The following ADGRL3 variants were observed in gnomAD, a reference collection of about 807,000 sequenced individuals.
The protein encoded by ADGRL3 is adhesion G protein-coupled receptor L3.
ADGRL3 carries 62 observed loss-of-function variants against 153.5 expected under a neutral mutation model. That is an observed-to-expected ratio of 0.40 (90% CI 0.33 to 0.50). The LOEUF is 0.50. ADGRL3 is among the 20% of genes least tolerant of loss of function. ADGRL3 has a pLI of 0.47. For synonymous variants in ADGRL3, 710 were observed against 672.5 expected, an observed-to-expected ratio of 1.06 and a Z score of -0.86; for missense variants, 1,641 against 1,859.4, an observed-to-expected ratio of 0.88 and a Z score of 2.16.
At chr4:61,637,113 T>C (rs1236946160) in intron 5 of ADGRL3, among the ~76,000 whole-genome samples, 3 of 152,214 alleles carry the variant, frequency 2.0e-5, no homozygotes, top group African/African-American at 7.2e-5. Context: ...ACTGTGCATA[T>C]GTTCAACTTC....
intron 4 of ADGRL3, among the ~76,000 whole-genome samples, chr4:61,570,906 T>C (rs567562240): frequency 6.6e-6 from 1 of 152,316 alleles, no homozygotes; most frequent in South Asian, 2.1e-4. Context: ...GTTTTCCTAC[T>C]TCTGTGTTTA....
intron 13 of ADGRL3, among the ~76,000 whole-genome samples, chr4:61,934,175 A>G (rs1357101494): frequency 6.6e-6 from 1 of 152,176 alleles, no homozygotes; most frequent in Non-Finnish European, 1.5e-5. Context: ...TAAAAGATAA[A>G]ACACCTGAGG....
chr4:61,984,313 A>G (rs2099078351), intron 19 of ADGRL3, among the ~76,000 whole-genome samples: 1 of 152,194 alleles, frequency 6.6e-6, no homozygotes, highest in African/African-American at 2.4e-5. Context: ...ACTAAAAAAT[A>G]CAAGTAGAGA....
chr4:61,780,802 A>C (rs1317049346), intron 8 of ADGRL3, among the ~76,000 whole-genome samples: 1 of 152,168 alleles, frequency 6.6e-6, no homozygotes, highest in Non-Finnish European at 1.5e-5. Flanking sequence ...GTCTGAGTGA[A>C]AGTAGGGAAC....
At chr4:61,893,610 T>G (rs192283541) in intron 10 of ADGRL3, among the ~76,000 whole-genome samples, 2 of 152,228 alleles carry the variant, frequency 1.3e-5, no homozygotes, top group East Asian at 3.9e-4. Context: ...TCAGGGACCA[T>G]GCTGCAGGAG....
intron 1 of ADGRL3, among the ~76,000 whole-genome samples, chr4:61,319,804 G>T (rs542887215): frequency 1.3e-5 from 2 of 152,244 alleles, no homozygotes; most frequent in African/African-American, 4.8e-5. Flanking sequence ...AAGGTAAGGT[G>T]CTTCTGTCTA....
chr4:61,730,204 T>C (rs755622823), intron 6 of ADGRL3, among the ~76,000 whole-genome samples: 4 of 151,940 alleles, frequency 2.6e-5, no homozygotes, highest in Admixed American at 6.6e-5. Context: ...ACAACTATTA[T>C]GTGAAATAGT....
At chr4:61,964,438 A>C (rs2098998820) in intron 17 of ADGRL3, among the ~76,000 whole-genome samples, 2 of 152,326 alleles carry the variant, frequency 1.3e-5, no homozygotes, top group South Asian at 4.1e-4. Context: ...TCTACATCTA[A>C]TCAGGTAAAC....
At chr4:61,305,097 C>G (rs1360634034) in intron 1 of ADGRL3, among the ~76,000 whole-genome samples, 1 of 151,926 alleles carries the variant, frequency 6.6e-6, no homozygotes, top group Non-Finnish European at 1.5e-5. Flanking sequence ...TAATCATAAG[C>G]CTGGTGCCTT....
intron 3 of ADGRL3, among the ~76,000 whole-genome samples, chr4:61,498,170 A>G (rs1380478732): frequency 6.6e-6 from 1 of 152,200 alleles, no homozygotes; most frequent in African/African-American, 2.4e-5. Flanking sequence ...ACAATCTTTA[A>G]TATACAGAAC....
At chr4:61,945,899 C>G (rs554761254) in intron 15 of ADGRL3, among the ~76,000 whole-genome samples, 3,751 of 152,180 alleles carry the variant, frequency 0.025, 150 homozygotes, top group African/African-American at 0.086. Context: ...CCGTCTTCTG[C>G]GTCGCTCACG....
chr4:61,649,598 G>A (rs1033622598), intron 5 of ADGRL3, among the ~76,000 whole-genome samples: 13 of 152,088 alleles, frequency 8.5e-5, no homozygotes, highest in African/African-American at 2.4e-4. Context: ...TTTATAACAC[G>A]TAGCAAAACA....
intron 8 of ADGRL3, among the ~76,000 whole-genome samples, chr4:61,746,832 G>C (rs910703330): frequency 6.6e-6 from 1 of 151,956 alleles, no homozygotes; most frequent in African/African-American, 2.4e-5. Flanking sequence ...TCAAAAGCTA[G>C]CAGAAGGCAA....
chr4:61,778,773 G>C (rs1474318585), intron 8 of ADGRL3, among the ~76,000 whole-genome samples: 1 of 152,142 alleles, frequency 6.6e-6, no homozygotes, highest in Non-Finnish European at 1.5e-5. Context: ...AAAATCATTT[G>C]TAAGCTGGGC....
At chr4:61,747,101 A>T (rs1417802863) in intron 8 of ADGRL3, among the ~76,000 whole-genome samples, 1 of 152,222 alleles carries the variant, frequency 6.6e-6, no homozygotes, top group African/African-American at 2.4e-5. Context: ...TAAACTAGAA[A>T]ATGTAGAAGA....
At chr4:61,345,784 T>A (rs976160289) in intron 1 of ADGRL3, among the ~76,000 whole-genome samples, 1 of 152,228 alleles carries the variant, frequency 6.6e-6, no homozygotes, top group East Asian at 1.9e-4. Context: ...TGTATATTTG[T>A]GGAGGACAAT....
intron 11 of ADGRL3, among the ~76,000 whole-genome samples, chr4:61,908,506 A>C (rs546230363): frequency 6.6e-6 from 1 of 151,040 alleles, no homozygotes; most frequent in South Asian, 2.1e-4. Flanking sequence ...CTGGGACAGG[A>C]GGCAGCTACT....
chr4:61,789,786 A>G (rs2097320454), intron 8 of ADGRL3, among the ~76,000 whole-genome samples: 2 of 152,210 alleles, frequency 1.3e-5, no homozygotes, highest in East Asian at 1.9e-4. Context: ...ACTAGAACAT[A>G]CATTATGTAA....
At chr4:61,415,532 A>G (rs1448982118) in intron 2 of ADGRL3, among the ~76,000 whole-genome samples, 1 of 152,036 alleles carries the variant, frequency 6.6e-6, no homozygotes, top group Non-Finnish European at 1.5e-5. Flanking sequence ...CTACCACATC[A>G]TTGTTTGCCT....
Sources: gnomAD v4.1 joint callset for allele counts (sites outside exome capture counted in the v4.1 genomes callset) on GRCh38, gnomAD v4.1.1 for gene constraint, MANE v1.5 for transcripts, NCBI Gene and HGNC (gene_info 2026-07-23, HGNC 2026-07-21) for gene names.